The following ZFHX3 variants were observed in gnomAD, a reference collection of about 807,000 sequenced individuals.
ZFHX3 encodes zinc finger homeobox 3.
Under a neutral mutation model 279.1 loss-of-function variants are expected in ZFHX3, and 42 were observed. The ratio of observed to expected loss-of-function variants is 0.15; its 90% CI spans 0.12 to 0.19. ZFHX3 has a LOEUF of 0.19. Among genes scored for constraint, ZFHX3 ranks in the 10% least tolerant of loss-of-function variants. The probability of loss-of-function intolerance (pLI) is 1.00; values close to 1 mark genes in which losing one functional copy is unlikely to be tolerated. For synonymous variants in ZFHX3, 2,293 were observed against 1,957.8 expected (o/e 1.17, Z -4.52); for missense variants, 4,981 against 4,754.0 (o/e 1.05, Z -1.40).
chr16:73,385,978 G>A (rs1300143414), intron 3 of ZFHX3, among the ~76,000 whole-genome samples: 10 of 152,066 alleles, frequency 6.6e-5, no homozygotes, highest in Admixed American at 6.6e-4. Context: ...TGACCAAGAT[G>A]TGTGAAATGG....
chr16:73,576,285 A>C (rs1186910089), intron 2 of ZFHX3, among the ~76,000 whole-genome samples: 1 of 152,200 alleles, frequency 6.6e-6, no homozygotes, highest in East Asian at 1.9e-4. Flanking sequence ...TGTAAAAACA[A>C]TATTTTGATT....
At chr16:73,310,952 G>T (rs928013699) in intron 4 of ZFHX3, among the ~76,000 whole-genome samples, 4 of 152,030 alleles carry the variant, frequency 2.6e-5, no homozygotes, top group Admixed American at 1.3e-4. Flanking sequence ...AAACACCCCA[G>T]CCAGGTGCAG....
intron 3 of ZFHX3, among the ~76,000 whole-genome samples, chr16:73,349,336 C>T (rs1443766685): frequency 3.3e-5 from 5 of 152,164 alleles, no homozygotes; most frequent in Non-Finnish European, 5.9e-5. Flanking sequence ...AGATTGATCA[C>T]CTGATCAGAA....
chr16:73,028,135 G>C (rs1350871332), intron 1 of ZFHX3, among the ~76,000 whole-genome samples: 1 of 151,874 alleles, frequency 6.6e-6, no homozygotes, highest in Non-Finnish European at 1.5e-5. Context: ...TCCTTTTTTT[G>C]GGGGAGTGTG....
At chr16:73,618,927 A>G (rs949044792) in intron 2 of ZFHX3, among the ~76,000 whole-genome samples, 12 of 152,212 alleles carry the variant, frequency 7.9e-5, no homozygotes, top group African/African-American at 2.9e-4. Flanking sequence ...TGATGGGACC[A>G]TGACTTGTCA....
At chr16:72,864,980 A>T (rs1422333382) in intron 4 of ZFHX3, among the ~76,000 whole-genome samples, 1 of 152,254 alleles carries the variant, frequency 6.6e-6, no homozygotes, top group Non-Finnish European at 1.5e-5. Flanking sequence ...AGGATAGCCC[A>T]AATGGGTGTT....
chr16:72,892,508 T>TG (rs933885163), intron 3 of ZFHX3, among the ~76,000 whole-genome samples: 1 of 145,594 alleles, frequency 6.9e-6, no homozygotes, highest in African/African-American at 2.6e-5. Flanking sequence ...TTTTATTTAT[T>TG]GGTTTTTTTT....
intron 1 of ZFHX3, among the ~76,000 whole-genome samples, chr16:73,821,499 C>G (rs1290263956): frequency 5.3e-5 from 8 of 152,200 alleles, no homozygotes; most frequent in African/African-American, 1.4e-4. Flanking sequence ...CTCTAAGCCT[C>G]AGAGTTCTCA....
At chr16:73,308,503 G>A (rs778169632) in intron 4 of ZFHX3, among the ~76,000 whole-genome samples, 1 of 151,668 alleles carries the variant, frequency 6.6e-6, no homozygotes, top group South Asian at 2.1e-4. Flanking sequence ...GTTTTCCAGG[G>A]TGGTCTCGAA....
Position 72,794,148 on chromosome 16 carries a change from G to T in ZFHX3, c.8534C>A (p.Thr2845Asn), listed in dbSNP as rs920043287. Residue 2845 changes from threonine (T) to asparagine (N), a missense_variant, in exon 9 of 10, where the codon ACC becomes AAC. By Grantham distance (65) the Thr-to-Asn change is moderately conservative. Coordinates refer to ENST00000268489, the MANE Select transcript of ZFHX3 (RefSeq NM_006885.4). This position sits in a 1 kb window ranked among gnomAD's most constrained non-coding sequence, Gnocchi z 4.2. ...TGCGTTGCCCTCGTCTCCAGTTGTG[G>T]TATCTGTGATTGCTGTGTTGACAGA... ...CSSVNTAITD[T>N]TTGDEGNADN... The T allele has an allele frequency of 6.2e-7, 1 of 1,614,178 alleles. No homozygotes were observed. Among genetic ancestry groups the T allele is most frequent in the Non-Finnish European group, 8.5e-7 (1 of 1,180,040 alleles).
At chr16:73,657,515 T>G (rs528811906) in intron 2 of ZFHX3, among the ~76,000 whole-genome samples, 1 of 152,194 alleles carries the variant, frequency 6.6e-6, no homozygotes. Flanking sequence ...CTCAGAGTTA[T>G]GCAACCATCA....
chr16:72,863,664 G>C (rs1195396783), intron 4 of ZFHX3, among the ~76,000 whole-genome samples: 1 of 152,102 alleles, frequency 6.6e-6, no homozygotes, highest in Non-Finnish European at 1.5e-5. Context: ...GCTGTGAGTG[G>C]GTATCTGCCG....
intron 3 of ZFHX3, among the ~76,000 whole-genome samples, chr16:73,411,035 C>T (rs1205535768): frequency 6.6e-6 from 1 of 152,190 alleles, no homozygotes; most frequent in Non-Finnish European, 1.5e-5. Context: ...GGTTGCTCTC[C>T]TAGAGCTGCC....
intron 3 of ZFHX3, among the ~76,000 whole-genome samples, chr16:73,411,036 T>G (rs2143459841): frequency 6.6e-6 from 1 of 152,332 alleles, no homozygotes; most frequent in South Asian, 2.1e-4. Flanking sequence ...GTTGCTCTCC[T>G]AGAGCTGCCG....
chr16:72,933,887 C>T (rs1291845256), intron 3 of ZFHX3, among the ~76,000 whole-genome samples: 3 of 146,568 alleles, frequency 2.0e-5, no homozygotes, highest in Non-Finnish European at 3.0e-5. Context: ...GTCGCGATCT[C>T]GGCTCACTGC....
chr16:73,884,364 T>C (rs1437583720), intron 1 of ZFHX3, among the ~76,000 whole-genome samples: 1 of 152,170 alleles, frequency 6.6e-6, no homozygotes, highest in East Asian at 1.9e-4. Flanking sequence ...TTATTATCCA[T>C]GGACTAAATG....
At position 73,502,222 on chromosome 16, in the gene ZFHX3, G is replaced by A. The variant is rs1186728819; in HGVS notation, c.-1546-45964C>T. On this transcript the variant is annotated intron_variant, in intron 2 of 17. Transcript: ENST00000641206. ...CTTTGGAAATGCATACTTTTTTTCCGTTGGTTTTCTTTGACAAAATCTGGC... is the reference window on the plus strand; with the variant it reads ...CTTTGGAAATGCATACTTTTTTTCCATTGGTTTTCTTTGACAAAATCTGGC... Among the ~76,000 whole-genome samples the A allele has an allele frequency of 3.3e-5, 5 of 152,140 alleles. No individual in the cohort carries two copies. In the South Asian group the frequency reaches 8.3e-4, roughly 25 times the overall value.
chr16:73,411,892 T>TA (rs1403979167), intron 3 of ZFHX3, among the ~76,000 whole-genome samples: 1 of 152,250 alleles, frequency 6.6e-6, no homozygotes, highest in Admixed American at 6.5e-5. Context: ...GTCTACATGA[T>TA]AGCAGGTGCC....
chr16:73,757,554 A>T (rs1465686398), intron 1 of ZFHX3, among the ~76,000 whole-genome samples: 2 of 152,166 alleles, frequency 1.3e-5, no homozygotes, highest in Non-Finnish European at 2.9e-5. Flanking sequence ...TTTATTGGGC[A>T]CCCACCAAGG....
Sources: gnomAD v4.1 joint callset for allele counts (sites outside exome capture counted in the v4.1 genomes callset) on GRCh38, gnomAD v4.1.1 for gene constraint, Gnocchi (gnomAD v3.1) non-coding constraint, MANE v1.5 for transcripts, NCBI Gene and HGNC (gene_info 2026-07-23, HGNC 2026-07-21) for gene names.